Variants in CRLF2 observed in about 807,000 individuals in gnomAD.
The protein encoded by CRLF2 is cytokine receptor like factor 2.
A neutral mutation model predicts 38.7 loss-of-function variants in CRLF2; 41 were observed. The observed-to-expected ratio is 1.06, with a 90% CI of 0.83 to 1.37. CRLF2 has a LOEUF of 1.37. CRLF2 is among the 40% of genes most tolerant of loss of function. CRLF2 has a pLI of 0.00. For synonymous variants in CRLF2, 140 were observed against 128.8 expected, an observed-to-expected ratio of 1.09 and a Z score of -0.59; for missense variants, 377 against 322.2, an observed-to-expected ratio of 1.17 and a Z score of -1.30.
intron 1 of CRLF2, among the ~76,000 whole-genome samples, chrX:1,210,716 CAGAT>C (rs1384285811): frequency 7.9e-5 from 12 of 152,086 alleles, no homozygotes; most frequent in Admixed American, 4.6e-4. Context: ...TAGATAGATA[CAGAT>C]AGATAGATAA....
At chrX:1,211,361 A>G (rs1241531933) in intron 1 of CRLF2, among the ~76,000 whole-genome samples, 1,864 of 61,500 alleles carry the variant, frequency 0.03, 38 homozygotes, top group Non-Finnish European at 0.048. Flanking sequence ...GGATGGGTGG[A>G]TGGATGGATG....
chrX:1,192,154 G>A (rs1348504684), intron 7 of CRLF2, among the ~76,000 whole-genome samples: 141 of 137,378 alleles, frequency 1.0e-3, no homozygotes, highest in Non-Finnish European at 1.6e-3. Context: ...GCAGTGAGCC[G>A]AGATCCCGCC....
intron 6 of CRLF2, among the ~76,000 whole-genome samples, chrX:1,195,366 C>T (rs1451293472): frequency 1.3e-5 from 2 of 152,004 alleles, no homozygotes; most frequent in East Asian, 1.9e-4. Flanking sequence ...TTGGACCATT[C>T]TTCTTGCTGC....
chrX:1,192,742 TTCTTTCTTTC>T, intron 7 of CRLF2, among the ~76,000 whole-genome samples: 4 of 145,482 alleles, frequency 2.7e-5, no homozygotes, highest in Middle Eastern at 6.8e-3. Context: ...CTTTCTTTCT[TTCTTTCTTTC>T]TTTCTTTCTT....
chrX:1,194,348 G>C (rs2086443651), intron 6 of CRLF2, among the ~76,000 whole-genome samples: 3 of 152,036 alleles, frequency 2.0e-5, no homozygotes, highest in Admixed American at 6.6e-5. Flanking sequence ...TGTAGTCCCA[G>C]CTGCTTGGGA....
Position 1,209,772 on chromosome X carries a change from C to T in CRLF2, c.80-864G>A, listed in dbSNP as rs141828500. On this transcript the variant is annotated intron_variant, in intron 1 of 7. Coordinates refer to ENST00000400841, the MANE Select transcript of CRLF2 (RefSeq NM_022148.4). ...ATCGGAAACTGTCCCCATCGATCCA[C>T]CTTACTGTCTTTCTCAAAACACCAC... is the stretch of plus-strand genomic sequence containing the variant. Among the ~76,000 whole-genome samples, 950 of 152,182 alleles carry T rather than the reference C, an allele frequency of 6.2e-3. 9 individuals are homozygous for T. The highest frequency in any genetic ancestry group is 0.021 in the African/African-American group (886 of 41,536).
chrX:1,197,378 C>T (rs1382482153), intron 5 of CRLF2, among the ~76,000 whole-genome samples: 3 of 151,660 alleles, frequency 2.0e-5, no homozygotes, highest in South Asian at 2.1e-4. Flanking sequence ...TGGACAACAA[C>T]ACATCCCACA....
In CRLF2 at chrX:1,202,462, C is replaced by T. The variant is rs1297726853; in HGVS notation, c.423G>A (p.Leu141=). 2 of 1,613,690 alleles carry T rather than the reference C, an allele frequency of 1.2e-6. No homozygotes were observed. The highest frequency in any genetic ancestry group is 1.3e-5 in the African/African-American group (1 of 75,020). Residue 141 remains leucine (L), a synonymous_variant, in exon 4 of 8, where the codon CTG becomes CTA. Transcript: ENST00000400841. ...CCTCATAGAGGAGATCCCCGTAGGA[C>T]AGGTCAGAACACGTCACCGTCACTG... is the stretch of plus-strand genomic sequence containing the variant. ...QDAVTVTCSD[L]SYGDLLYEVQ... is the part of the protein sequence containing the mutation.
intron 7 of CRLF2, among the ~76,000 whole-genome samples, chrX:1,193,002 T>C (rs1447803165): frequency 2.6e-5 from 4 of 151,528 alleles, no homozygotes; most frequent in African/African-American, 9.7e-5. Flanking sequence ...TTAGTAGAGA[T>C]GGGGTTTCAC....
intron 3 of CRLF2, among the ~76,000 whole-genome samples, chrX:1,203,229 G>A (rs1422601205): frequency 7.2e-5 from 11 of 152,018 alleles, no homozygotes; most frequent in Non-Finnish European, 1.0e-4. Flanking sequence ...TGTCCTTCTC[G>A]GAGACAGAGG....
intron 6 of CRLF2, among the ~76,000 whole-genome samples, chrX:1,195,909 A>T (rs1462988565): frequency 1.4e-5 from 2 of 141,308 alleles, no homozygotes; most frequent in African/African-American, 5.1e-5. Flanking sequence ...ATATGTATTT[A>T]TATATTTTTA....
chrX:1,200,041 GTATATATGTGTGTA>G (rs1412837946), intron 4 of CRLF2, among the ~76,000 whole-genome samples: 1 of 143,960 alleles, frequency 6.9e-6, no homozygotes, highest in African/African-American at 2.5e-5. Context: ...ATATGTGTGT[GTATATATGTGTGTA>G]TATAAGGTGT....
In CRLF2 at chrX:1,190,896, A is replaced by C. The variant is rs1232281099; in HGVS notation, c.*1T>G. On this transcript the variant is annotated 3_prime_UTR_variant, in exon 8 of 8. Transcript: ENST00000400841. ...CGTTGACTTTGACAGTGGTGTGTCC[A>C]TCACAACGCCACGTAGGAGCGGTCA... is the stretch of plus-strand genomic sequence containing the variant. 1 of 398,598 alleles carries C rather than the reference A, an allele frequency of 2.5e-6. No individual in the cohort carries two copies. 24.7% of individuals were successfully genotyped at this position (398,598 alleles called of 1,614,324 possible). A position where few individuals can be genotyped will look rare whatever the true frequency, so the allele number is the denominator to read the frequency against.
At chrX:1,192,163 C>A (rs1167311513) in intron 7 of CRLF2, among the ~76,000 whole-genome samples, 6 of 143,148 alleles carry the variant, frequency 4.2e-5, no homozygotes, top group African/African-American at 1.1e-4. Context: ...CGAGATCCCG[C>A]CACTGCACTC....
At chrX:1,192,708 TTTTCTTTCTTTCTTTC>T (rs1165440754) in intron 7 of CRLF2, among the ~76,000 whole-genome samples, 5,505 of 110,024 alleles carry the variant, frequency 0.05, 207 homozygotes, top group African/African-American at 0.085. Flanking sequence ...TTTTCTTTTC[TTTTCTTTCTTTCTTTC>T]TTTCTTTCTT....
chrX:1,200,217 A>G, intron 4 of CRLF2, among the ~76,000 whole-genome samples: 1 of 151,270 alleles, frequency 6.6e-6, no homozygotes, highest in Admixed American at 6.6e-5. Flanking sequence ...GTGTGTATAT[A>G]CGGTGTGTGT....
rs1371822314 is a variant in CRLF2 at position 1,206,432 on chromosome X, C to G, written c.349+1G>C. 6.2e-7 allele frequency: 1 copy of G among 1,612,732 alleles called. No homozygotes were observed. The highest frequency in any genetic ancestry group is 1.3e-5 in the African/African-American group (1 of 74,868). On this transcript the variant is annotated splice_donor_variant, in intron 3 of 7. Transcript: ENST00000400841. LOFTEE classifies it high-confidence loss of function. ...TGGTGAGCTGGCTTTACAATACTTA[C>G]GGTAATAAACCATCCAGCGACTTGC... is the stretch of plus-strand genomic sequence containing the variant.
chrX:1,198,863 G>T (rs1273041885), intron 4 of CRLF2, 139 bp from the exon 5 acceptor site: 4 of 855,598 alleles, frequency 4.7e-6, no homozygotes, highest in Non-Finnish European at 5.6e-6. Flanking sequence ...GAATGGAGCC[G>T]CGAGGCCGGA....
At position 1,193,493 on chromosome X, in the gene CRLF2, G is replaced by A. The variant is rs1217929053; in HGVS notation, c.768-191C>T. The stretch of plus-strand genomic sequence containing the variant: ...TGGGGTCCTCATAAAGTTCCCATCA[G>A]GAGGCCGGGAGTGGTGGCTCACGCC... On this transcript the variant is annotated intron_variant, in intron 6 of 7. Transcript: ENST00000400841. 7.6e-3 allele frequency among the ~76,000 whole-genome samples: 1,156 copies of A among 152,128 alleles called. 10 individuals carry two copies. The highest frequency in any genetic ancestry group is 0.023 in the African/African-American group (969 of 41,536).
Sources: allele counts gnomAD v4.1 joint callset (sites outside exome capture counted in the v4.1 genomes callset), GRCh38; gene constraint gnomAD v4.1.1; transcripts MANE v1.5; gene names NCBI Gene and HGNC (gene_info 2026-07-23, HGNC 2026-07-21).